The following KAZN variants were observed in gnomAD, a reference collection of about 807,000 sequenced individuals.
KAZN encodes kazrin, periplakin interacting protein, also known as kazrin.
Under a neutral mutation model 87.4 loss-of-function variants are expected in KAZN, and 40 were observed. The ratio of observed to expected loss-of-function variants is 0.46; its 90% CI spans 0.36 to 0.60. The LOEUF (loss-of-function observed/expected upper bound fraction) is 0.60, where lower values mean the gene tolerates loss of function less well. Ranked by LOEUF, KAZN falls within the 20% of genes least tolerant of loss-of-function variation. The pLI is 0.00. For synonymous variants in KAZN, 466 were observed against 458.3 expected, an observed-to-expected ratio of 1.02 and a Z score of -0.22; for missense variants, 898 against 1,073.9, an observed-to-expected ratio of 0.84 and a Z score of 2.29.
At position 15,077,938 on chromosome 1, in the gene KAZN, A is replaced by C. The variant is rs1350739652; in HGVS notation, c.1222+12185A>C. 6.6e-6 allele frequency among the ~76,000 whole-genome samples: 1 copy of C among 152,174 alleles called. No homozygotes were observed. The highest frequency in any genetic ancestry group is 1.5e-5 in the Non-Finnish European group (1 of 68,026). Reference sequence around the variant, plus strand: ...TGGGGTAGGCATTTGATGTACACTCATTAAGTCTTTCAACGAACACTGACT... The same window carrying C: ...TGGGGTAGGCATTTGATGTACACTCCTTAAGTCTTTCAACGAACACTGACT... On this transcript the variant is annotated intron_variant, in intron 8 of 14. Transcript: ENST00000376030. The surrounding 1 kb of genome is among the most constrained non-coding windows in gnomAD (Gnocchi z 4.8).
chr1:14,518,700 C>T (rs1165661997), intron 2 of KAZN, among the ~76,000 whole-genome samples: 2 of 152,172 alleles, frequency 1.3e-5, no homozygotes, highest in Non-Finnish European at 2.9e-5. Flanking sequence ...CGTCCAGGCT[C>T]CAGCACTACC....
rs149412686 is a variant in KAZN, at chr1:14,929,559, G to A, written c.227-31125G>A. ...CACAGCAAGCTGACAAAAATGGAAC[G>A]TCAGCACATTTGCATGTAGACAGAT... On this transcript the variant is annotated intron_variant, in intron 1 of 14. Coordinates refer to ENST00000376030, the MANE Select transcript of KAZN (RefSeq NM_201628.3). Among the ~76,000 whole-genome samples, 37 of 152,302 alleles carry A rather than the reference G, an allele frequency of 2.4e-4. 1 individual carries two copies. The East Asian group carries it at 6.7e-3, about 28-fold the overall frequency.
At chr1:14,471,042 G>A (rs568751330) in intron 2 of KAZN, among the ~76,000 whole-genome samples, 1 of 152,094 alleles carries the variant, frequency 6.6e-6, no homozygotes, top group South Asian at 2.1e-4. Context: ...TCTTTCACAC[G>A]CAGTCTAGCC....
intron 1 of KAZN, among the ~76,000 whole-genome samples, chr1:14,734,964 C>T (rs1460273828): frequency 6.6e-6 from 1 of 152,226 alleles, no homozygotes; most frequent in East Asian, 1.9e-4. Flanking sequence ...TGTAAAATTC[C>T]TGGGGCAAGA....
chr1:14,265,183 C>T (rs971853641), intron 2 of KAZN, among the ~76,000 whole-genome samples: 12 of 152,156 alleles, frequency 7.9e-5, no homozygotes, highest in Admixed American at 3.3e-4. Context: ...TTCTAAATAA[C>T]GACATTCCAC....
intron 2 of KAZN, among the ~76,000 whole-genome samples, chr1:14,240,154 A>G (rs1291956361): frequency 6.6e-6 from 1 of 152,244 alleles, no homozygotes; most frequent in African/African-American, 2.4e-5. Context: ...TGAATCCAAG[A>G]GGCCTGGACC....
At chr1:14,952,984 G>C (rs1303522359) in intron 1 of KAZN, among the ~76,000 whole-genome samples, 1 of 151,924 alleles carries the variant, frequency 6.6e-6, no homozygotes, top group Non-Finnish European at 1.5e-5. Flanking sequence ...CTTGTCCACA[G>C]GTCAAATAGC....
chr1:14,326,293 CTTG>C (rs1656411187), intron 2 of KAZN, among the ~76,000 whole-genome samples: 1 of 152,146 alleles, frequency 6.6e-6, no homozygotes, highest in Admixed American at 6.5e-5. Context: ...AAAAGCCATC[CTTG>C]TTGTGTCTGT....
chr1:14,072,523 A>C (rs1472213292), intron 1 of KAZN, among the ~76,000 whole-genome samples: 1 of 152,182 alleles, frequency 6.6e-6, no homozygotes, highest in Non-Finnish European at 1.5e-5. Flanking sequence ...GGGGGCTAAT[A>C]CTACTCGTCT....
At chr1:14,858,988 C>T (rs1208507394) in intron 1 of KAZN, among the ~76,000 whole-genome samples, 2 of 152,026 alleles carry the variant, frequency 1.3e-5, no homozygotes, top group African/African-American at 4.8e-5. Flanking sequence ...GGGTGGATCA[C>T]GAGGTCAGGA....
At chr1:14,855,205 C>T (rs759181783) in intron 1 of KAZN, among the ~76,000 whole-genome samples, 1 of 152,178 alleles carries the variant, frequency 6.6e-6, no homozygotes, top group Non-Finnish European at 1.5e-5. Flanking sequence ...GACTACAGTG[C>T]ATTGCCCTCT....
intron 2 of KAZN, among the ~76,000 whole-genome samples, chr1:14,355,400 A>ATTTATT (rs1327855336): frequency 6.8e-5 from 10 of 147,902 alleles, no homozygotes; most frequent in African/African-American, 1.7e-4. Flanking sequence ...AACAATCTAC[A>ATTTATT]TATTTATTTA....
At chr1:14,009,201 C>T (rs1453846909) in intron 1 of KAZN, among the ~76,000 whole-genome samples, 4 of 152,200 alleles carry the variant, frequency 2.6e-5, no homozygotes, top group Non-Finnish European at 4.4e-5. Context: ...TTTTACTCAT[C>T]TGTTGATAAA....
At chr1:13,984,497 A>G (rs988979685) in intron 1 of KAZN, among the ~76,000 whole-genome samples, 1 of 152,184 alleles carries the variant, frequency 6.6e-6, no homozygotes, top group African/African-American at 2.4e-5. Flanking sequence ...TAATAATTCT[A>G]ATTTTTTTGG....
At chr1:14,042,351 G>A (rs1275297046) in intron 1 of KAZN, among the ~76,000 whole-genome samples, 1 of 152,018 alleles carries the variant, frequency 6.6e-6, no homozygotes, top group Non-Finnish European at 1.5e-5. Context: ...GTTACAGGAG[G>A]GCAAGAATAC....
chr1:14,221,097 C>T (rs561405333), intron 2 of KAZN, among the ~76,000 whole-genome samples: 1 of 152,254 alleles, frequency 6.6e-6, no homozygotes, highest in East Asian at 1.9e-4. Context: ...ACTCTGTCAT[C>T]TTGCTTAGTG....
intron 1 of KAZN, among the ~76,000 whole-genome samples, chr1:14,644,145 G>A (rs1300401993): frequency 6.6e-6 from 1 of 150,948 alleles, no homozygotes; most frequent in Non-Finnish European, 1.5e-5. Context: ...CCAAGTAGCT[G>A]GGATTACAGG....
intron 1 of KAZN, among the ~76,000 whole-genome samples, chr1:14,875,234 G>A (rs1376017827): frequency 6.6e-6 from 1 of 151,012 alleles, no homozygotes; most frequent in Non-Finnish European, 1.5e-5. Context: ...AGGAGGCTGA[G>A]GCAGGAGAAT....
At chr1:14,034,111 G>T (rs777428792) in intron 1 of KAZN, among the ~76,000 whole-genome samples, 12 of 152,174 alleles carry the variant, frequency 7.9e-5, no homozygotes, top group African/African-American at 2.7e-4. Flanking sequence ...GTAAATCTCC[G>T]CTATGGGTAA....
Sources: allele counts gnomAD v4.1 joint callset (sites outside exome capture counted in the v4.1 genomes callset), GRCh38; gene constraint gnomAD v4.1.1; non-coding constraint Gnocchi (gnomAD v3.1); transcripts MANE v1.5; gene names NCBI Gene and HGNC (gene_info 2026-07-23, HGNC 2026-07-21).